The following BAZ1B variants were observed in gnomAD, a reference collection of about 807,000 sequenced individuals.
The protein encoded by BAZ1B is tyrosine-protein kinase BAZ1B.
In BAZ1B, 22 loss-of-function variants were observed where a neutral mutation model predicts 153.8. That is an observed-to-expected ratio of 0.14 (90% CI 0.10 to 0.20). The LOEUF is 0.20. Among genes scored for constraint, BAZ1B ranks in the 10% least tolerant of loss-of-function variants. BAZ1B has a pLI of 1.00. For missense variants in BAZ1B, 1,325 were observed against 1,799.3 expected (o/e 0.74, Z 4.77); for synonymous variants, 676 against 633.4 (o/e 1.07, Z -1.01).
chr7:73,489,805 C>A (rs62465148), intron 5 of BAZ1B, among the ~76,000 whole-genome samples: 1 of 152,088 alleles, frequency 6.6e-6, no homozygotes, highest in Admixed American at 6.6e-5. Context: ...AGACAGAAAA[C>A]GGAGAATAAT....
intron 1 of BAZ1B, among the ~76,000 whole-genome samples, chr7:73,513,908 G>C (rs565565864): frequency 6.6e-6 from 1 of 152,178 alleles, no homozygotes; most frequent in South Asian, 2.1e-4. Context: ...CAGAGAGAAT[G>C]TAAGAGAAAT....
At chr7:73,442,136 T>TACCCACCCC in intron 19 of BAZ1B, 45 bp downstream of exon 19, 1 of 573,492 alleles carries the variant, frequency 1.7e-6, no homozygotes, top group Non-Finnish European at 3.2e-6. Flanking sequence ...CTCGCTCGCC[T>TACCCACCCC]CCCTCCCACC....
chr7:73,464,904 G>T (rs1024838202), intron 11 of BAZ1B, among the ~76,000 whole-genome samples: 45 of 144,694 alleles, frequency 3.1e-4, no homozygotes, highest in East Asian at 8.1e-4. Context: ...TTTTTGTTTT[G>T]TTTTTTTTTT....
intron 7 of BAZ1B, among the ~76,000 whole-genome samples, chr7:73,473,030 C>T (rs967911037): frequency 2.0e-5 from 3 of 152,014 alleles, no homozygotes; most frequent in African/African-American, 7.2e-5. Flanking sequence ...CAACCTCAGA[C>T]TCCCTGGTTC....
At chr7:73,445,479 G>C (rs1007486012) in intron 16 of BAZ1B, among the ~76,000 whole-genome samples, 3 of 152,132 alleles carry the variant, frequency 2.0e-5, no homozygotes, top group African/African-American at 7.2e-5. Context: ...TAAAAACTTA[G>C]AAAAGCAATT....
At chr7:73,469,825 G>A (rs1169445361) in intron 8 of BAZ1B, among the ~76,000 whole-genome samples, 175 bp from the exon 9 acceptor site, 1 of 152,132 alleles carries the variant, frequency 6.6e-6, no homozygotes, top group Non-Finnish European at 1.5e-5. Flanking sequence ...CAAAGTATAC[G>A]AGAAATGTTG....
At position 73,478,026 on chromosome 7, in the gene BAZ1B, T is replaced by C. The variant is rs1789057524; in HGVS notation, c.1435A>G (p.Ile479Val). 5 of 1,614,120 alleles carry C rather than the reference T, an allele frequency of 3.1e-6. No homozygotes were observed. Among genetic ancestry groups the C allele is most frequent in the Non-Finnish European group, 4.2e-6 (5 of 1,180,018 alleles). The change falls in exon 7 of 20, where the codon ATT becomes GTT. Residue 479 changes from isoleucine (I) to valine (V), a missense_variant. Coordinates refer to ENST00000339594, the MANE Select transcript of BAZ1B (RefSeq NM_032408.4). ...TCTTTGTTTTCTTTGTAGTATGCAATGAGGTGTAGGGCTGCAGGAGGCAGA... is the reference window on the plus strand; with the variant it reads ...TCTTTGTTTTCTTTGTAGTATGCAACGAGGTGTAGGGCTGCAGGAGGCAGA... Reference protein sequence around the residue: ...KHLPPAALHLIAYYKENKDRE... With the variant: ...KHLPPAALHLVAYYKENKDRE...
At chr7:73,499,174 C>T (rs535908597) in intron 3 of BAZ1B, among the ~76,000 whole-genome samples, 53 of 152,164 alleles carry the variant, frequency 3.5e-4, no homozygotes, top group South Asian at 8.3e-4. Context: ...ACTATAGGCA[C>T]GCACCATCGT....
At chr7:73,489,114 C>CTATAAA in intron 6 of BAZ1B, 80 bp downstream of exon 6, 1 of 1,411,468 alleles carries the variant, frequency 7.1e-7, no homozygotes, top group Non-Finnish European at 9.8e-7. Context: ...TCAAAACCTG[C>CTATAAA]TATAAATATA....
chr7:73,458,504 C>A (rs945104079), intron 13 of BAZ1B, among the ~76,000 whole-genome samples: 7 of 151,646 alleles, frequency 4.6e-5, no homozygotes. Context: ...GGTGAAACCC[C>A]GTCTCTACAA....
In BAZ1B at chr7:73,492,777, T is replaced by C. The variant is rs368891224; in HGVS notation, c.693+23A>G. Reference sequence around the variant, plus strand: ...TTTCTTAAAGAACATCTATCACATGTAAAAAGTAAAGTGTCAACTAACCTT... The same window carrying C: ...TTTCTTAAAGAACATCTATCACATGCAAAAAGTAAAGTGTCAACTAACCTT... On this transcript the variant is annotated intron_variant, in intron 5 of 19. Coordinates refer to ENST00000339594, the MANE Select transcript of BAZ1B (RefSeq NM_032408.4). 2.5e-6 allele frequency: 4 copies of C among 1,576,414 alleles called. No individual in the cohort carries two copies. In the South Asian group the frequency reaches 3.5e-5, roughly 14 times the overall value.
chr7:73,492,275 G>A (rs1789680878), intron 5 of BAZ1B, among the ~76,000 whole-genome samples: 1 of 152,172 alleles, frequency 6.6e-6, no homozygotes, highest in Non-Finnish European at 1.5e-5. Context: ...CCATTCTCCT[G>A]CCTCAGCCTC....
At chr7:73,468,004 T>C (rs1788660105) in intron 9 of BAZ1B, among the ~76,000 whole-genome samples, 2 of 152,254 alleles carry the variant, frequency 1.3e-5, no homozygotes, top group African/African-American at 4.8e-5. Context: ...ATGTTTATTT[T>C]TGTAAATCAG....
At chr7:73,448,959 GGAGTT>G (rs2116232830) in intron 15 of BAZ1B, among the ~76,000 whole-genome samples, 1 of 152,292 alleles carries the variant, frequency 6.6e-6, no homozygotes, top group African/African-American at 2.4e-5. Flanking sequence ...ATAAGAAAGA[GGAGTT>G]GAGAAGCCAC....
intron 6 of BAZ1B, among the ~76,000 whole-genome samples, chr7:73,484,760 C>T (rs2116363416): frequency 6.6e-6 from 1 of 152,208 alleles, no homozygotes; most frequent in East Asian, 1.9e-4. Context: ...TATTCATAAC[C>T]TGAATCTAAT....
rs1788326519 is a variant in BAZ1B at position 73,459,677 on chromosome 7, C to T, written c.3291G>A (p.Val1097=). Reference sequence around the variant, plus strand: ...TTATGACACTGGCCTGAAGGGCAATCACACACTCACCAAAATCCTTCAATT... The same window carrying T: ...TTATGACACTGGCCTGAAGGGCAATTACACACTCACCAAAATCCTTCAATT... ...LEKLKDFGEC[V]IALQASVIKK... The change falls in exon 13 of 20, where the codon GTG becomes GTA. Residue 1097 remains valine (V), a synonymous_variant. Coordinates refer to ENST00000339594, the MANE Select transcript of BAZ1B (RefSeq NM_032408.4). The T allele has an allele frequency of 6.2e-7, 1 of 1,612,628 alleles. No individual in the cohort carries two copies. The highest frequency in any genetic ancestry group is 1.7e-5 in the Admixed American group (1 of 59,574).
intron 6 of BAZ1B, among the ~76,000 whole-genome samples, chr7:73,482,851 A>G (rs559376035): frequency 6.6e-6 from 1 of 152,312 alleles, no homozygotes; most frequent in Non-Finnish European, 1.5e-5. Flanking sequence ...ACCCCCTCCC[A>G]ATAGGCCGGC....
intron 7 of BAZ1B, among the ~76,000 whole-genome samples, chr7:73,474,404 T>A (rs988405315): frequency 1.3e-5 from 2 of 152,198 alleles, no homozygotes; most frequent in African/African-American, 4.8e-5. Flanking sequence ...AATCTATAAG[T>A]AACAAAAGAA....
chr7:73,454,340 T>C (rs1788120822), intron 13 of BAZ1B, among the ~76,000 whole-genome samples: 2 of 152,070 alleles, frequency 1.3e-5, no homozygotes, highest in African/African-American at 4.8e-5. Context: ...CACAGGAAGG[T>C]GAAAACTAAA....
Sources: allele counts gnomAD v4.1 joint callset (sites outside exome capture counted in the v4.1 genomes callset), GRCh38; gene constraint gnomAD v4.1.1; transcripts MANE v1.5; gene names NCBI Gene and HGNC (gene_info 2026-07-23, HGNC 2026-07-21).